The following ELP3 variants were observed in gnomAD, a reference collection of about 807,000 sequenced individuals.
ELP3 encodes elongator acetyltransferase complex subunit 3.
ELP3 carries 56 observed loss-of-function variants against 74.9 expected under a neutral mutation model. The observed-to-expected ratio is 0.75, with a 90% CI of 0.60 to 0.93. The LOEUF (loss-of-function observed/expected upper bound fraction) is 0.93. Ranked by LOEUF, ELP3 falls within the 40% of genes least tolerant of loss-of-function variation. ELP3 has a pLI of 0.00. For synonymous variants in ELP3, 222 were observed against 239.8 expected, an observed-to-expected ratio of 0.93 and a Z score of 0.68; for missense variants, 573 against 686.5, an observed-to-expected ratio of 0.83 and a Z score of 1.85.
chr8:28,096,649 G>T (rs1389090223), intron 1 of ELP3, among the ~76,000 whole-genome samples: 1 of 152,216 alleles, frequency 6.6e-6, no homozygotes, highest in Non-Finnish European at 1.5e-5. Context: ...AGCCCCAGTT[G>T]CCAGAAGTTC....
chr8:28,091,249 A>G (rs1050860514), upstream of ELP3, among the ~76,000 whole-genome samples: 1 of 152,084 alleles, frequency 6.6e-6, no homozygotes, highest in Non-Finnish European at 1.5e-5. Flanking sequence ...TCTGTGCTCT[A>G]TCAGCCTTAA....
chr8:28,107,935 T>G lies in ELP3; in HGVS notation c.352T>G (p.Ser118Ala). ...ICVYCPGGPD[S>A]DFEYSTQSYT... ...CAGATACTGCCCTGGTGGACCTGAT[T>G]CTGATTTTGAGTATTCCACCCAGTC... The change falls in exon 5 of 15, where the codon TCT becomes GCT. Residue 118 changes from serine to alanine, a missense_variant. Transcript: ENST00000256398. 6.2e-7 allele frequency: 1 copy of G among 1,614,044 alleles called. No homozygotes were observed. Among genetic ancestry groups the G allele is most frequent in the Non-Finnish European group, 8.5e-7 (1 of 1,179,972 alleles).
intron 12 of ELP3, among the ~76,000 whole-genome samples, chr8:28,159,764 C>T (rs1405610588): frequency 2.0e-5 from 3 of 152,162 alleles, no homozygotes; most frequent in Admixed American, 2.0e-4. Flanking sequence ...GTGCAGGTGA[C>T]CAGCATCACA....
At chr8:28,129,874 G>A (rs530664415) in intron 8 of ELP3, among the ~76,000 whole-genome samples, 1 of 152,230 alleles carries the variant, frequency 6.6e-6, no homozygotes, top group Non-Finnish European at 1.5e-5. Context: ...TTTTCCAGCA[G>A]CCTGTAAACA....
intron 14 of ELP3, among the ~76,000 whole-genome samples, chr8:28,180,470 A>T (rs10090868): frequency 6.6e-6 from 1 of 152,166 alleles, no homozygotes; most frequent in Admixed American, 6.5e-5. Context: ...CTGTAATGTC[A>T]TCTTTTAATG....
chr8:28,183,319 A>G, intron 14 of ELP3: 5 of 442,062 alleles, frequency 1.1e-5, no homozygotes, highest in South Asian at 8.2e-5. Context: ...GGAAGATAAA[A>G]TATTTATCCT....
At position 28,160,336 on chromosome 8, in the gene ELP3, G is replaced by C; in HGVS notation, c.1365G>C (p.Lys455Asn). 1 of 1,614,180 alleles carries C rather than the reference G, an allele frequency of 6.2e-7. No individual in the cohort carries two copies. The highest frequency in any genetic ancestry group is 8.5e-7 in the Non-Finnish European group (1 of 1,180,028). ...DILIGLLRLR[K>N]CSEETFRFEL... ...TGATTGGCCTCCTACGATTACGCAA[G>C]TGTTCAGAAGAAACTTTCCGTTTCG... The change falls in exon 13 of 15, where the codon AAG (lysine) becomes AAC (asparagine). Residue 455 changes from lysine to asparagine, a missense_variant. By Grantham distance (94) the Lys-to-Asn change is moderately conservative. Transcript: ENST00000256398.
intron 6 of ELP3, 57 bp from the exon 7 acceptor site, chr8:28,112,959 CCTT>C: frequency 6.8e-7 from 1 of 1,461,144 alleles, no homozygotes; most frequent in Non-Finnish European, 9.3e-7. Flanking sequence ...ATTTGCAATG[CCTT>C]CTTAGAGTAG....
intron 7 of ELP3, among the ~76,000 whole-genome samples, chr8:28,114,849 C>A (rs1812062475): frequency 6.6e-6 from 1 of 152,100 alleles, no homozygotes; most frequent in South Asian, 2.1e-4. Context: ...GTGGCAAGTT[C>A]TGGTTAACAG....
intron 11 of ELP3, among the ~76,000 whole-genome samples, chr8:28,158,050 C>CAA (rs11323782): frequency 1.4e-4 from 13 of 93,632 alleles, no homozygotes; most frequent in African/African-American, 1.6e-4. Context: ...GCCCTTCTTG[C>CAA]AAAAAAAAAA....
chr8:28,112,099 AT>A (rs1811938651), intron 6 of ELP3, among the ~76,000 whole-genome samples: 1 of 152,048 alleles, frequency 6.6e-6, no homozygotes, highest in Non-Finnish European at 1.5e-5. Context: ...AAAATGAAAG[AT>A]TTGTATCATT....
At chr8:28,109,321 C>A (rs899826820) in intron 5 of ELP3, among the ~76,000 whole-genome samples, 2 of 152,148 alleles carry the variant, frequency 1.3e-5, no homozygotes, top group African/African-American at 4.8e-5. Flanking sequence ...TGACTTTTTT[C>A]TCATATCTGT....
rs189219886 is a variant in ELP3, at chr8:28,150,831, G to A, written c.1101-5111G>A. On this transcript the variant is annotated intron_variant, in intron 10 of 14. Coordinates refer to ENST00000256398, the MANE Select transcript of ELP3 (RefSeq NM_018091.6). ...TATTATTTTGTTTCTTCTCTTTCTG[G>A]TGTTCTTATTACACATGTTACACCT... Among the ~76,000 whole-genome samples the A allele has an allele frequency of 2.2e-3, 342 of 152,036 alleles. 1 individual carries two copies. The highest frequency in any genetic ancestry group is 7.9e-3 in the African/African-American group (327 of 41,462).
At chr8:28,171,413 A>G (rs1359900188) in intron 14 of ELP3, among the ~76,000 whole-genome samples, 1 of 151,890 alleles carries the variant, frequency 6.6e-6, no homozygotes, top group East Asian at 1.9e-4. Context: ...AGGTTTGACT[A>G]ATATTTCTGT....
chr8:28,138,094 CA>C (rs1192084659), intron 10 of ELP3, among the ~76,000 whole-genome samples: 1 of 152,160 alleles, frequency 6.6e-6, no homozygotes, highest in Non-Finnish European at 1.5e-5. Context: ...TTTATCTACC[CA>C]TTCATTCATG....
intron 14 of ELP3, among the ~76,000 whole-genome samples, chr8:28,184,841 G>GT (rs1186099327): frequency 6.6e-6 from 1 of 152,108 alleles, no homozygotes; most frequent in Non-Finnish European, 1.5e-5. Context: ...TGTTAGAGAT[G>GT]TTTTCTAAGT....
At chr8:28,116,740 A>G (rs1270125659) in intron 7 of ELP3, among the ~76,000 whole-genome samples, 1 of 152,122 alleles carries the variant, frequency 6.6e-6, no homozygotes, top group Non-Finnish European at 1.5e-5. Flanking sequence ...CTGTGTCTCA[A>G]AAAACAAACA....
chr8:28,168,825 AT>A (rs1814409434), intron 14 of ELP3, among the ~76,000 whole-genome samples: 1 of 152,180 alleles, frequency 6.6e-6, no homozygotes, highest in African/African-American at 2.4e-5. Context: ...AAGCTTTTCT[AT>A]TTTAGATCTG....
chr8:28,133,005 AG>A (rs1812839344), intron 9 of ELP3, among the ~76,000 whole-genome samples: 1 of 152,158 alleles, frequency 6.6e-6, no homozygotes, highest in African/African-American at 2.4e-5. Flanking sequence ...TGTATTAATA[AG>A]TTGCTTTGCA....
Sources: allele counts gnomAD v4.1 joint callset (sites outside exome capture counted in the v4.1 genomes callset), GRCh38; gene constraint gnomAD v4.1.1; transcripts MANE v1.5; gene names NCBI Gene and HGNC (gene_info 2026-07-23, HGNC 2026-07-21).